Variants in NOC3L observed in about 807,000 individuals in gnomAD.
The protein encoded by NOC3L is nucleolar complex protein 3 homolog.
Under a neutral mutation model 102.5 loss-of-function variants are expected in NOC3L, and 85 were observed. The observed-to-expected ratio is 0.83, with a 90% CI of 0.70 to 0.99. The LOEUF is 0.99. NOC3L is among the 50% of genes least tolerant of loss of function. The pLI, the probability that NOC3L is intolerant of heterozygous loss-of-function variation, is 0.00. For synonymous variants in NOC3L, 303 were observed against 309.4 expected (o/e 0.98, Z 0.22); for missense variants, 878 against 914.9 (o/e 0.96, Z 0.52).
At chr10:94,341,304 T>C (rs1044056237) in intron 14 of NOC3L, among the ~76,000 whole-genome samples, 22 of 152,028 alleles carry the variant, frequency 1.4e-4, no homozygotes, top group Admixed American at 6.6e-4. Flanking sequence ...ATTTGAATGG[T>C]TGTCACATAA....
intron 2 of NOC3L, among the ~76,000 whole-genome samples, chr10:94,358,694 C>A (rs1392387504): frequency 6.6e-6 from 1 of 152,206 alleles, no homozygotes; most frequent in Admixed American, 6.5e-5. Flanking sequence ...GTGCTCACCC[C>A]TCTCTCTGAC....
At chr10:94,324,746 G>A in the NOC3L span, 1 of 974,738 alleles carries the variant, frequency 1.0e-6, no homozygotes. Flanking sequence ...CGAGCTTGCG[G>A]TTAAGCAGTC....
chr10:94,346,967 T>G (rs1422045386), intron 10 of NOC3L, among the ~76,000 whole-genome samples: 2 of 152,142 alleles, frequency 1.3e-5, no homozygotes, highest in African/African-American at 4.8e-5. Flanking sequence ...GCCCCAGAAT[T>G]TGCATTCTAA....
chr10:94,324,597 T>TTAAG, the NOC3L span: 2 of 1,525,284 alleles, frequency 1.3e-6, no homozygotes, highest in Non-Finnish European at 1.8e-6. Flanking sequence ...TGCTCTGTTC[T>TTAAG]TAAGTTATCT....
At chr10:94,325,146 T>TA in the NOC3L span, 14 of 1,361,196 alleles carry the variant, frequency 1.0e-5, no homozygotes, top group Middle Eastern at 2.0e-4. Flanking sequence ...GGGCTTAACT[T>TA]AAACTACTTT....
rs945049204 is a variant in NOC3L, at chr10:94,362,728, C to G, written c.9+102G>C. The G allele has an allele frequency of 3.1e-5, 40 of 1,310,830 alleles. No individual in the cohort carries two copies. In the Admixed American group the frequency reaches 6.6e-4, roughly 22 times the overall value. The allele number at this position is 1,310,830 out of a possible 1,614,324, so 81.2% of individuals were successfully genotyped here. On this transcript the variant is annotated intron_variant, in intron 1 of 20. Coordinates refer to ENST00000371361, the MANE Select transcript of NOC3L (RefSeq NM_022451.11). ...AAGCCCCCAGTCTAAACCACCGCCC[C>G]CTAGACACGGGTGAAAACCTGCCTA...
At chr10:94,316,783 C>A in the NOC3L span, 1 of 1,508,982 alleles carries the variant, frequency 6.6e-7, no homozygotes, top group Non-Finnish European at 9.2e-7. Context: ...GCAGCCTACA[C>A]AGTAACGACT....
At chr10:94,328,052 T>C in the NOC3L span, 2 of 504,442 alleles carry the variant, frequency 4.0e-6, no homozygotes, top group Non-Finnish European at 8.2e-6. Flanking sequence ...TGGAAATTGA[T>C]GATTTCTGAA....
intron 8 of NOC3L, among the ~76,000 whole-genome samples, chr10:94,351,921 AT>A (rs1480219996): frequency 1.3e-5 from 2 of 152,228 alleles, no homozygotes; most frequent in African/African-American, 4.8e-5. Flanking sequence ...TGTTAAATGC[AT>A]TGTAGTCAAC....
intron 19 of NOC3L, among the ~76,000 whole-genome samples, chr10:94,335,256 C>A (rs2054205526): frequency 6.6e-6 from 1 of 152,142 alleles, no homozygotes; most frequent in Non-Finnish European, 1.5e-5. Context: ...AGCAATTAGG[C>A]TCACATCCCA....
the NOC3L span, chr10:94,321,871 T>C: frequency 1.7e-5 from 27 of 1,544,552 alleles, no homozygotes; most frequent in African/African-American, 2.8e-4. Flanking sequence ...AAACCTATTA[T>C]TTACTCACAT....
At chr10:94,352,808 T>TA in intron 7 of NOC3L, 88 bp downstream of exon 7, 1 of 1,181,266 alleles carries the variant, frequency 8.5e-7, no homozygotes, top group East Asian at 2.5e-5. Context: ...GGCGACAGAG[T>TA]AAAACTCTGC....
intron 9 of NOC3L, among the ~76,000 whole-genome samples, chr10:94,349,722 A>G (rs962662303): frequency 1.1e-4 from 2 of 17,830 alleles, no homozygotes; most frequent in African/African-American, 2.1e-4. Context: ...TTGTAGGGGG[A>G]AAAAAATCAC....
At chr10:94,340,013 G>T in intron 16 of NOC3L, 93 bp from the exon 17 acceptor site, 1 of 1,117,038 alleles carries the variant, frequency 9.0e-7, no homozygotes, top group Non-Finnish European at 1.3e-6. Flanking sequence ...ATAAACTTTT[G>T]TACCTGTCCC....
intron 8 of NOC3L, among the ~76,000 whole-genome samples, chr10:94,350,690 C>G (rs942937457): frequency 1.3e-5 from 2 of 149,182 alleles, no homozygotes; most frequent in Admixed American, 6.7e-5. Flanking sequence ...TGCATTCCAG[C>G]CTGGCGACAG....
the NOC3L span, among the ~76,000 whole-genome samples, chr10:94,319,799 G>T: frequency 2.0e-5 from 3 of 151,166 alleles, no homozygotes; most frequent in Non-Finnish European, 4.4e-5. Context: ...TTCATAACCT[G>T]TGGCTTCGAA....
chr10:94,350,383 A>AAC (rs376503919), intron 8 of NOC3L, 95 bp from the exon 9 acceptor site: 102 of 1,006,336 alleles, frequency 1.0e-4, no homozygotes, highest in African/African-American at 7.6e-4. Context: ...AACACACATA[A>AAC]ACACACACAC....
At chr10:94,354,107 C>G (rs1390829278) in intron 6 of NOC3L, among the ~76,000 whole-genome samples, 1 of 152,090 alleles carries the variant, frequency 6.6e-6, no homozygotes, top group African/African-American at 2.4e-5. Context: ...AAGAAATATT[C>G]CAAATCTCTC....
Position 94,338,778 on chromosome 10 carries a change from T to C in NOC3L, c.1963-42A>G, listed in dbSNP as rs571971207. 7.0e-6 allele frequency: 11 copies of C among 1,580,446 alleles called. No homozygotes were observed. In the East Asian group the frequency reaches 2.2e-4, roughly 32 times the overall value. ...TAAAAAGAATTGGTTAAATTAACATTGTTAATATAAGAGGTGTTACTGGTT... is the reference window on the plus strand; with the variant it reads ...TAAAAAGAATTGGTTAAATTAACATCGTTAATATAAGAGGTGTTACTGGTT... On this transcript the variant is annotated intron_variant, in intron 17 of 20. Coordinates refer to ENST00000371361, the MANE Select transcript of NOC3L (RefSeq NM_022451.11).
Sources: allele counts gnomAD v4.1 joint callset (sites outside exome capture counted in the v4.1 genomes callset), GRCh38; gene constraint gnomAD v4.1.1; transcripts MANE v1.5; gene names NCBI Gene and HGNC (gene_info 2026-07-23, HGNC 2026-07-21).